Variants in RGS5 observed in about 807,000 individuals in gnomAD.
The protein encoded by RGS5 is regulator of G-protein signalling 5.
In RGS5, 20 loss-of-function variants were observed where a neutral mutation model predicts 18.9. The observed-to-expected ratio is 1.06, with a 90% CI of 0.74 to 1.54. The LOEUF is 1.54. RGS5 is among the 40% of genes most tolerant of loss of function. RGS5 has a pLI of 0.00. For synonymous variants in RGS5, 57 were observed against 76.2 expected, an observed-to-expected ratio of 0.75 and a Z score of 1.31; for missense variants, 201 against 211.8, an observed-to-expected ratio of 0.95 and a Z score of 0.32.
At chr1:163,321,124 G>A (rs939502905) in intron 1 of RGS5, 3 of 152,212 alleles carry the variant, frequency 2.0e-5, no homozygotes, top group Admixed American at 2.0e-4. Flanking sequence ...AAAAAATACA[G>A]ATTTCAGGGC....
chr1:163,253,264 T>A (rs533322069), intron 2 of RGS5, among the ~76,000 whole-genome samples: 5 of 152,182 alleles, frequency 3.3e-5, no homozygotes, highest in Non-Finnish European at 7.4e-5. Context: ...CTGATCTCAA[T>A]CAAAACTGAA....
At chr1:163,198,654 T>TG (rs1392749738) in intron 1 of RGS5, among the ~76,000 whole-genome samples, 4 of 152,032 alleles carry the variant, frequency 2.6e-5, no homozygotes, top group African/African-American at 9.7e-5. Context: ...TTTTCAGAGA[T>TG]GGGGTCTCAC....
chr1:163,308,454 T>G (rs1470811460), intron 1 of RGS5: 1 of 152,148 alleles, frequency 6.6e-6, no homozygotes, highest in East Asian at 1.9e-4. Context: ...TATAATCATC[T>G]AGAAAAAGAG....
At chr1:163,196,575 G>C (rs914575393) in intron 1 of RGS5, among the ~76,000 whole-genome samples, 3 of 152,158 alleles carry the variant, frequency 2.0e-5, no homozygotes. Context: ...CTGGAATACA[G>C]AATGCAATTC....
intron 1 of RGS5, among the ~76,000 whole-genome samples, chr1:163,216,438 C>A (rs964684764): frequency 2.6e-5 from 4 of 152,160 alleles, no homozygotes; most frequent in Admixed American, 2.0e-4. Flanking sequence ...CACAGATTTC[C>A]CCCACTGTCT....
intron 1 of RGS5, among the ~76,000 whole-genome samples, chr1:163,314,633 T>C (rs1270467291): frequency 6.6e-6 from 1 of 152,174 alleles, no homozygotes; most frequent in Non-Finnish European, 1.5e-5. Flanking sequence ...TTTTTAAAAA[T>C]TCCCCTTCTG....
At chr1:163,276,229 G>C (rs12047356) in intron 2 of RGS5, among the ~76,000 whole-genome samples, 2 of 152,026 alleles carry the variant, frequency 1.3e-5, no homozygotes, top group Non-Finnish European at 2.9e-5. Context: ...CCCGACCTCA[G>C]GTGATCTGCC....
chr1:163,220,960 C>A (rs1381014253), upstream of RGS5, among the ~76,000 whole-genome samples: 1 of 152,006 alleles, frequency 6.6e-6, no homozygotes, highest in Non-Finnish European at 1.5e-5. Flanking sequence ...GGAACACAGC[C>A]CTGTTGTGAC....
intron 2 of RGS5, among the ~76,000 whole-genome samples, chr1:163,167,206 T>C (rs1353697150): frequency 1.3e-5 from 2 of 152,356 alleles, no homozygotes. Context: ...CTGGCCAATT[T>C]ACACAAATAT....
intron 1 of RGS5, among the ~76,000 whole-genome samples, chr1:163,179,702 G>A (rs975755432): frequency 6.6e-6 from 1 of 152,132 alleles, no homozygotes; most frequent in Non-Finnish European, 1.5e-5. Context: ...AAAAGAGAAA[G>A]GGAGAAAGGA....
intron 2 of RGS5, among the ~76,000 whole-genome samples, chr1:163,240,144 C>CAAA (rs1647749844): frequency 1.3e-5 from 2 of 151,454 alleles, no homozygotes; most frequent in African/African-American, 4.8e-5. Flanking sequence ...AAAGATATAT[C>CAAA]AACACAGTGA....
intron 2 of RGS5, among the ~76,000 whole-genome samples, chr1:163,236,914 T>C (rs1647637327): frequency 6.7e-6 from 1 of 149,850 alleles, no homozygotes; most frequent in Non-Finnish European, 1.5e-5. Flanking sequence ...TGAGCTGAGA[T>C]GGCACCACTG....
In RGS5 at chr1:163,302,089, A is replaced by AT. The variant is rs902503523; in HGVS notation, c.-281+4143dup. The stretch of plus-strand genomic sequence containing the variant: ...TATAAAGAAAAATATTTTGAAAAAC[A>AT]TTTTTTTAAATCTCTTGGGAGCATC... On this transcript the variant is annotated intron_variant, in intron 2 of 5. Transcript: ENST00000618415. Among the ~76,000 whole-genome samples, 40 of 151,716 alleles carry AT rather than the reference A, an allele frequency of 2.6e-4. No individual in the cohort carries two copies. In the South Asian group the frequency reaches 5.2e-3, roughly 20 times the overall value.
intron 1 of RGS5, chr1:163,172,505 T>C (rs1167741506): frequency 5.9e-6 from 9 of 1,536,268 alleles, no homozygotes; most frequent in African/African-American, 2.8e-5. Context: ...CTATCATTTA[T>C]AACATTGCCA....
At chr1:163,244,192 GAGA>G (rs925235085) in intron 2 of RGS5, among the ~76,000 whole-genome samples, 2 of 152,154 alleles carry the variant, frequency 1.3e-5, no homozygotes, top group Non-Finnish European at 2.9e-5. Context: ...GGTCTACAGA[GAGA>G]AGAAGATAAA....
At chr1:163,168,540 A>G (rs1215062906) in intron 1 of RGS5, among the ~76,000 whole-genome samples, 172 bp from the exon 2 acceptor site, 1 of 152,240 alleles carries the variant, frequency 6.6e-6, no homozygotes, top group Non-Finnish European at 1.5e-5. Context: ...AAGTTCTAAT[A>G]AATAGCATTT....
upstream of RGS5, chr1:163,203,063 T>C (rs951186281): frequency 2.0e-6 from 1 of 512,244 alleles, no homozygotes; most frequent in African/African-American, 1.9e-5. Flanking sequence ...CTTTCTCTGC[T>C]ACAGGCACTA....
chr1:163,245,138 C>T (rs1007131308), intron 2 of RGS5: 2 of 152,222 alleles, frequency 1.3e-5, no homozygotes, highest in Admixed American at 1.3e-4. Context: ...CTGAAATACA[C>T]CAGAATATTC....
At chr1:163,284,499 T>C (rs1047358543) in intron 2 of RGS5, among the ~76,000 whole-genome samples, 10 of 152,194 alleles carry the variant, frequency 6.6e-5, no homozygotes, top group Admixed American at 5.9e-4. Flanking sequence ...CCACTGAGAT[T>C]ACCAGCATAT....
Sources: allele counts gnomAD v4.1 joint callset (sites outside exome capture counted in the v4.1 genomes callset), GRCh38; gene constraint gnomAD v4.1.1; transcripts MANE v1.5; gene names NCBI Gene and HGNC (gene_info 2026-07-23, HGNC 2026-07-21).